LYPLAL1: variants seen among roughly 807,000 people sequenced by gnomAD.
The protein encoded by LYPLAL1 is lysophospholipase like 1.
A neutral mutation model predicts 19.7 loss-of-function variants in LYPLAL1; 23 were observed. That is an observed-to-expected ratio of 1.17 (90% CI 0.84 to 1.65). The LOEUF is 1.65. Among genes scored for constraint, LYPLAL1 ranks in the 40% most tolerant of loss-of-function variants. The probability of loss-of-function intolerance (pLI) is 0.00; values close to 1 mark genes in which losing one functional copy is unlikely to be tolerated. For synonymous variants in LYPLAL1, 119 were observed against 96.3 expected, an observed-to-expected ratio of 1.24 and a Z score of -1.38; for missense variants, 355 against 279.4, an observed-to-expected ratio of 1.27 and a Z score of -1.93.
At chr1:219,378,980 T>C in the LYPLAL1 span, among the ~76,000 whole-genome samples, 77 of 152,238 alleles carry the variant, frequency 5.1e-4, no homozygotes, top group South Asian at 0.015. Context: ...AAAACACAAA[T>C]TCATAATTCA....
intron 2 of LYPLAL1, among the ~76,000 whole-genome samples, chr1:219,185,600 G>T (rs967406179): frequency 6.6e-6 from 1 of 151,938 alleles, no homozygotes; most frequent in African/African-American, 2.4e-5. Context: ...TGTGGGCTAA[G>T]AATTCAGAAG....
At chr1:219,275,170 G>A in the LYPLAL1 span, among the ~76,000 whole-genome samples, 1 of 152,076 alleles carries the variant, frequency 6.6e-6, no homozygotes, top group South Asian at 2.1e-4. Context: ...AAAATTTATT[G>A]GGAAAAGAAA....
At chr1:219,341,040 C>T in the LYPLAL1 span, among the ~76,000 whole-genome samples, 1 of 152,084 alleles carries the variant, frequency 6.6e-6, no homozygotes, top group African/African-American at 2.4e-5. Flanking sequence ...TATTCACTAA[C>T]ATTCCATGTG....
the LYPLAL1 span, among the ~76,000 whole-genome samples, chr1:219,224,089 T>C: frequency 3.9e-5 from 6 of 152,122 alleles, no homozygotes. Flanking sequence ...CTTTTGCCAA[T>C]GAAATTACTG....
At chr1:219,266,420 A>C in the LYPLAL1 span, among the ~76,000 whole-genome samples, 1 of 152,186 alleles carries the variant, frequency 6.6e-6, no homozygotes, top group Non-Finnish European at 1.5e-5. Flanking sequence ...AGGTAATAGC[A>C]AGCATGGAGC....
chr1:219,428,881 G>T, the LYPLAL1 span, among the ~76,000 whole-genome samples: 1 of 152,076 alleles, frequency 6.6e-6, no homozygotes, highest in South Asian at 2.1e-4. Flanking sequence ...TCCTTCTTAT[G>T]CATGGATCCT....
At chr1:219,243,919 CAA>C in the LYPLAL1 span, among the ~76,000 whole-genome samples, 8 of 129,032 alleles carry the variant, frequency 6.2e-5, no homozygotes, top group Admixed American at 7.9e-5. Context: ...AACTCCATCT[CAA>C]AAAAAAAAAA....
chr1:219,260,654 TTCTA>T, the LYPLAL1 span, among the ~76,000 whole-genome samples: 88 of 148,608 alleles, frequency 5.9e-4, 2 homozygotes, highest in South Asian at 0.018. Flanking sequence ...AATTTATAAA[TTCTA>T]TATATATAAT....
At chr1:219,318,457 G>C in the LYPLAL1 span, among the ~76,000 whole-genome samples, 1 of 150,132 alleles carries the variant, frequency 6.7e-6, no homozygotes, top group Non-Finnish European at 1.5e-5. Context: ...TTAAATGTCT[G>C]ATTTTCTCAT....
downstream of LYPLAL1, among the ~76,000 whole-genome samples, chr1:219,214,627 A>T (rs1395449038): frequency 6.6e-6 from 1 of 151,348 alleles, no homozygotes; most frequent in Non-Finnish European, 1.5e-5. Context: ...TTGCTTATAG[A>T]TATAAGTTGC....
chr1:219,176,500 C>T lies in LYPLAL1; in HGVS notation c.91+2519C>T, dbSNP rs1297602819. Among the ~76,000 whole-genome samples the T allele has an allele frequency of 2.0e-5, 3 of 152,138 alleles. 1 individual carries two copies. Among genetic ancestry groups the T allele is most frequent in the South Asian group, 4.1e-4 (2 of 4,830 alleles). On this transcript the variant is annotated intron_variant, in intron 1 of 4. Coordinates refer to ENST00000366928, the MANE Select transcript of LYPLAL1 (RefSeq NM_138794.5). Reference sequence around the variant, plus strand: ...GCTCAATGTAATGGACATTTTCAGTCGTCCTCTTACGTGAACTGTCATCTG... The same window carrying T: ...GCTCAATGTAATGGACATTTTCAGTTGTCCTCTTACGTGAACTGTCATCTG...
chr1:219,445,417 G>T, the LYPLAL1 span, among the ~76,000 whole-genome samples: 2 of 100,976 alleles, frequency 2.0e-5, no homozygotes, highest in Middle Eastern at 0.013. Context: ...TTGGGGGGGG[G>T]GCGGTGGGGG....
chr1:219,360,646 C>A, the LYPLAL1 span, among the ~76,000 whole-genome samples: 1 of 152,098 alleles, frequency 6.6e-6, no homozygotes, highest in African/African-American at 2.4e-5. Flanking sequence ...TGCACATATG[C>A]ACATGTGTGC....
chr1:219,247,886 T>G, the LYPLAL1 span, among the ~76,000 whole-genome samples: 1 of 151,864 alleles, frequency 6.6e-6, no homozygotes, highest in East Asian at 1.9e-4. Flanking sequence ...TGTAGGTGAG[T>G]ACAGGGGAAA....
chr1:219,373,937 T>TA, the LYPLAL1 span, among the ~76,000 whole-genome samples: 4 of 119,864 alleles, frequency 3.3e-5, no homozygotes, highest in African/African-American at 1.2e-4. Flanking sequence ...GCTAAAAAAA[T>TA]AAAACCAAAC....
the LYPLAL1 span, among the ~76,000 whole-genome samples, chr1:219,413,222 G>C: frequency 6.6e-6 from 1 of 152,236 alleles, no homozygotes; most frequent in African/African-American, 2.4e-5. Context: ...TACTACACTG[G>C]CATCTGAAAA....
the LYPLAL1 span, among the ~76,000 whole-genome samples, chr1:219,409,111 A>T: frequency 6.6e-6 from 1 of 152,214 alleles, no homozygotes; most frequent in Non-Finnish European, 1.5e-5. Flanking sequence ...CAATAAGAAT[A>T]AAAAGGAAGG....
chr1:219,434,401 G>A, the LYPLAL1 span, among the ~76,000 whole-genome samples: 1 of 152,308 alleles, frequency 6.6e-6, no homozygotes, highest in South Asian at 2.1e-4. Flanking sequence ...AGCTTCAACG[G>A]ATTAACTTAA....
Position 219,185,371 on chromosome 1 carries a change from GCTTT to G in LYPLAL1, c.191+6128_191+6131del, listed in dbSNP as rs533503408. Among the ~76,000 whole-genome samples the G allele has an allele frequency of 6.8e-4, 102 of 149,976 alleles. No individual in the cohort carries two copies. The South Asian group carries it at 0.011, about 16-fold the overall frequency. On this transcript the variant is annotated intron_variant, in intron 2 of 4. Transcript: ENST00000366928. ...GGCTTTCTTATTTTCTCTCTTATTT[GCTTT>G]CTATTTCATTTATATTTATTCTTAT...
Sources: allele counts gnomAD v4.1 joint callset (sites outside exome capture counted in the v4.1 genomes callset), GRCh38; gene constraint gnomAD v4.1.1; transcripts MANE v1.5; gene names NCBI Gene and HGNC (gene_info 2026-07-23, HGNC 2026-07-21).